The following AOX1 variants were observed in gnomAD, a reference collection of about 807,000 sequenced individuals.
AOX1 encodes the protein aldehyde oxidase.
Under a neutral mutation model 169.5 loss-of-function variants are expected in AOX1, and 153 were observed. The ratio of observed to expected loss-of-function variants is 0.90; its 90% CI spans 0.79 to 1.03. The LOEUF (loss-of-function observed/expected upper bound fraction) is 1.03, where lower values mean the gene tolerates loss of function less well. Among genes scored for constraint, AOX1 ranks in the 50% least tolerant of loss-of-function variants. The pLI, the probability that AOX1 is intolerant of heterozygous loss-of-function variation, is 0.00. For synonymous variants in AOX1, 562 were observed against 581.9 expected (o/e 0.97, Z 0.49); for missense variants, 1,656 against 1,663.9 (o/e 1.00, Z 0.08).
At chr2:200,623,338 G>T (rs138205000) in intron 18 of AOX1, among the ~76,000 whole-genome samples, 5 of 152,346 alleles carry the variant, frequency 3.3e-5, no homozygotes, top group South Asian at 2.1e-4. Flanking sequence ...TGTCTGCTTG[G>T]TCACGTCTTG....
chr2:200,668,022 C>T (rs987669336), intron 32 of AOX1, among the ~76,000 whole-genome samples: 9 of 152,068 alleles, frequency 5.9e-5, no homozygotes, highest in Non-Finnish European at 1.2e-4. Context: ...TTCCTGAGCA[C>T]TCATTTCAAT....
intron 16 of AOX1, among the ~76,000 whole-genome samples, chr2:200,620,299 A>G (rs1053179300): frequency 2.0e-5 from 3 of 149,424 alleles, no homozygotes; most frequent in Non-Finnish European, 3.0e-5. Flanking sequence ...CCCAGGTTCC[A>G]GCGATTCTGT....
chr2:200,655,922 A>G (rs2035672863), intron 26 of AOX1, among the ~76,000 whole-genome samples: 1 of 152,360 alleles, frequency 6.6e-6, no homozygotes, highest in Admixed American at 6.5e-5. Context: ...CTAAGTGAGC[A>G]ACTAAGGCTT....
Position 200,627,357 on chromosome 2 carries a change from G to A in AOX1, c.2129G>A (p.Ser710Asn). Residue 710 changes from serine to asparagine, a missense_variant, in exon 20 of 35, where the codon AGT becomes AAT. Coordinates refer to ENST00000374700, the MANE Select transcript of AOX1 (RefSeq NM_001159.4). ...LEPLILTIEE[S>N]IQHNSSFKPE... ...ATTCCTCTGTTCTCTTTCTAGGAAAGTATACAACACAACTCCTCCTTCAAG... is the reference window on the plus strand; with the variant it reads ...ATTCCTCTGTTCTCTTTCTAGGAAAATATACAACACAACTCCTCCTTCAAG... The A allele has an allele frequency of 6.2e-7, 1 of 1,612,134 alleles. No homozygotes were observed. Among genetic ancestry groups the A allele is most frequent in the Middle Eastern group, 1.7e-4 (1 of 6,054 alleles).
At chr2:200,616,394 A>T (rs2034759285) in intron 16 of AOX1, among the ~76,000 whole-genome samples, 1 of 152,258 alleles carries the variant, frequency 6.6e-6, no homozygotes, top group African/African-American at 2.4e-5. Flanking sequence ...TCAGAGTCCA[A>T]TAAAGCCACG....
chr2:200,622,806 A>T lies in AOX1; in HGVS notation c.2002-1055A>T, dbSNP rs544211096. On this transcript the variant is annotated intron_variant, in intron 18 of 34. Transcript: ENST00000374700. The stretch of plus-strand genomic sequence containing the variant: ...TTGTTGGTTTAATGCTTTTTAAAAC[A>T]TTCATTTATGGCACTTAATGGCTTT... Among the ~76,000 whole-genome samples, 4 of 152,322 alleles carry T rather than the reference A, an allele frequency of 2.6e-5. No homozygotes were observed. In the South Asian group the frequency reaches 6.2e-4, roughly 24 times the overall value.
At chr2:200,605,480 G>A (rs115635677) in intron 9 of AOX1, 56 bp from the exon 10 acceptor site, 5 of 765,954 alleles carry the variant, frequency 6.5e-6, no homozygotes, top group African/African-American at 1.8e-5. Context: ...AATTTAAAAG[G>A]CAGTTAGTTC....
chr2:200,662,484 C>T (rs2035846525), intron 30 of AOX1, among the ~76,000 whole-genome samples: 1 of 152,112 alleles, frequency 6.6e-6, no homozygotes. Context: ...GAAAGATAGA[C>T]AAAGCAGGCA....
At chr2:200,588,963 CT>C (rs1418869909) in intron 1 of AOX1, among the ~76,000 whole-genome samples, 21 of 151,838 alleles carry the variant, frequency 1.4e-4, no homozygotes, top group Non-Finnish European at 2.9e-4. Context: ...CTAGCATAAA[CT>C]TTTTCGTTCC....
At chr2:200,619,706 C>T (rs2034841788) in intron 16 of AOX1, among the ~76,000 whole-genome samples, 1 of 152,220 alleles carries the variant, frequency 6.6e-6, no homozygotes, top group African/African-American at 2.4e-5. Flanking sequence ...ATATTCTGCT[C>T]CATGGGGCTC....
In AOX1 at chr2:200,641,118, C is replaced by A. The variant is rs1477375445; in HGVS notation, c.2589C>A (p.Gly863=). 6.2e-7 allele frequency: 1 copy of A among 1,613,080 alleles called. No homozygotes were observed. Among genetic ancestry groups the A allele is most frequent in the East Asian group, 2.2e-5 (1 of 44,868 alleles). ...GKYKAGFMND[G]RILALDMEHY... Reference sequence around the variant, plus strand: ...CCCAGGCTGGATTCATGAACGATGGCAGAATCTTGGCCCTGGACATGGAGC... The same window carrying A: ...CCCAGGCTGGATTCATGAACGATGGAAGAATCTTGGCCCTGGACATGGAGC... The change falls in exon 24 of 35, where the codon GGC becomes GGA. Residue 863 remains glycine, a synonymous_variant. Coordinates refer to ENST00000374700, the MANE Select transcript of AOX1 (RefSeq NM_001159.4).
downstream of AOX1, among the ~76,000 whole-genome samples, chr2:200,673,810 G>A (rs2036059602): frequency 1.3e-5 from 2 of 152,154 alleles, no homozygotes; most frequent in Admixed American, 6.5e-5. Context: ...GTTGGCTCAT[G>A]TTCCCTTCCC....
chr2:200,656,735 G>A, intron 26 of AOX1, 107 bp from the exon 27 acceptor site: 1 of 776,924 alleles, frequency 1.3e-6, no homozygotes. Context: ...ACCCTGGGGG[G>A]TGCGGGATTC....
intron 30 of AOX1, 100 bp downstream of exon 30, chr2:200,661,731 C>A: frequency 1.2e-6 from 1 of 847,814 alleles, no homozygotes; most frequent in Non-Finnish European, 2.0e-6. Flanking sequence ...GACTTTCTAC[C>A]TTCTATTTAC....
At chr2:200,607,139 A>G (rs2034533136) in intron 10 of AOX1, among the ~76,000 whole-genome samples, 1 of 152,178 alleles carries the variant, frequency 6.6e-6, no homozygotes, top group Non-Finnish European at 1.5e-5. Context: ...AGCTCTTATT[A>G]TTTTGAGATA....
intron 1 of AOX1, among the ~76,000 whole-genome samples, chr2:200,590,870 C>T (rs1038462988): frequency 2.0e-5 from 3 of 152,120 alleles, no homozygotes; most frequent in African/African-American, 7.2e-5. Flanking sequence ...CACGTTTCTT[C>T]TCTCTTTTTT....
intron 20 of AOX1, among the ~76,000 whole-genome samples, chr2:200,629,578 G>A (rs2035072597): frequency 6.6e-6 from 1 of 152,148 alleles, no homozygotes; most frequent in Non-Finnish European, 1.5e-5. Context: ...AACAGCCCAG[G>A]AACTGGTCTT....
chr2:200,650,555 C>T (rs1325643605), intron 25 of AOX1, among the ~76,000 whole-genome samples: 2 of 152,204 alleles, frequency 1.3e-5, no homozygotes, highest in Non-Finnish European at 2.9e-5. Context: ...TTTAAACGAA[C>T]TTTCATGCTT....
At chr2:200,670,470 TC>T (rs2036006668) in intron 34 of AOX1, among the ~76,000 whole-genome samples, 158 bp from the exon 35 acceptor site, 1 of 152,322 alleles carries the variant, frequency 6.6e-6, no homozygotes, top group Admixed American at 6.5e-5. Context: ...TCTCCAGTCC[TC>T]CCCTGGCTTC....
Sources: allele counts gnomAD v4.1 joint callset (sites outside exome capture counted in the v4.1 genomes callset), GRCh38; gene constraint gnomAD v4.1.1; transcripts MANE v1.5; gene names NCBI Gene and HGNC (gene_info 2026-07-23, HGNC 2026-07-21).